The following TRABD2B variants were observed in gnomAD, a reference collection of about 807,000 sequenced individuals.
TRABD2B encodes metalloprotease TIKI2.
A neutral mutation model predicts 40.1 loss-of-function variants in TRABD2B; 14 were observed. The ratio of observed to expected loss-of-function variants is 0.35; its 90% CI spans 0.23 to 0.55. The LOEUF is 0.55. TRABD2B is among the 20% of genes least tolerant of loss of function. The pLI is 0.90. For missense variants in TRABD2B, 541 were observed against 648.6 expected (o/e 0.83, Z 1.80); for synonymous variants, 263 against 277.0 (o/e 0.95, Z 0.50).
intron 1 of TRABD2B, among the ~76,000 whole-genome samples, chr1:47,995,745 C>G (rs556987179): frequency 1.2e-4 from 18 of 152,188 alleles, no homozygotes; most frequent in Non-Finnish European, 2.6e-4. Context: ...TGTGGGAGAA[C>G]AGTACCTTAC....
chr1:47,994,051 C>G lies in TRABD2B; in HGVS notation c.649G>C (p.Gly217Arg). ...ATGCCTACCTGGGAGAAGTTGAGCC[C>G]GTTGTTGAGGGGATGGCACTGCTCC... The part of the protein sequence containing the change: ...VEEQCHPLNN[G>R]LNFSQVLFAL... The change falls in exon 2 of 7, where the codon GGG (glycine) becomes CGG (arginine). Residue 217 changes from glycine (G) to arginine (R), a missense_variant. By Grantham distance (125) the Gly-to-Arg change is moderately radical. Around this residue, in one of 2 missense-constraint regions of TRABD2B, gnomAD observed 369 missense variants for 492.8 expected, o/e 0.75. Transcript: ENST00000606738. This position sits in a 1 kb window ranked among gnomAD's most constrained non-coding sequence, Gnocchi z 6.7. The G allele has an allele frequency of 6.5e-7, 1 of 1,535,178 alleles. No homozygotes were observed. Among genetic ancestry groups the G allele is most frequent in the South Asian group, 1.2e-5 (1 of 84,020 alleles).
rs534507987 is a variant in TRABD2B, at chr1:47,862,948, T to C, written c.667-61329A>G. ...GACTCACATAAATGTAGTCAACTAA[T>C]CTTTGACACAGGCACTATGGCTGCC... On this transcript the variant is annotated intron_variant, in intron 2 of 6. Transcript: ENST00000606738. 1.1e-3 allele frequency among the ~76,000 whole-genome samples: 163 copies of C among 152,270 alleles called. 1 individual carries two copies. Among genetic ancestry groups the C allele is most frequent in the African/African-American group, 3.8e-3 (157 of 41,556 alleles).
intron 2 of TRABD2B, among the ~76,000 whole-genome samples, chr1:47,920,377 C>T (rs371423281): frequency 5.9e-5 from 9 of 152,332 alleles, no homozygotes; most frequent in African/African-American, 1.4e-4. Flanking sequence ...ATGGCCTCTC[C>T]TGTCCTCAAA....
At chr1:47,839,102 C>T (rs1052540561) in intron 2 of TRABD2B, among the ~76,000 whole-genome samples, 2 of 152,164 alleles carry the variant, frequency 1.3e-5, no homozygotes, top group African/African-American at 4.8e-5. Flanking sequence ...ACGCTGCCTT[C>T]AAGACATTGT....
At chr1:47,902,969 A>AT (rs1274928881) in intron 2 of TRABD2B, among the ~76,000 whole-genome samples, 2 of 152,084 alleles carry the variant, frequency 1.3e-5, no homozygotes, top group African/African-American at 2.4e-5. Flanking sequence ...AACATGCCAG[A>AT]TTTTTTCATG....
chr1:47,986,847 A>T (rs1026197966), intron 2 of TRABD2B, among the ~76,000 whole-genome samples: 1 of 152,230 alleles, frequency 6.6e-6, no homozygotes, highest in Non-Finnish European at 1.5e-5. Flanking sequence ...CTGCTCGGCG[A>T]GACGGCTTGG....
At chr1:47,966,558 G>A (rs1020255707) in intron 2 of TRABD2B, among the ~76,000 whole-genome samples, 2 of 152,110 alleles carry the variant, frequency 1.3e-5, no homozygotes, top group Admixed American at 6.5e-5. Context: ...CAGTAGATGT[G>A]CAGATTTATA....
chr1:47,910,034 A>AT (rs905371076), intron 2 of TRABD2B, among the ~76,000 whole-genome samples: 27 of 150,678 alleles, frequency 1.8e-4, no homozygotes, highest in Non-Finnish European at 3.4e-4. Flanking sequence ...TGATTTTTGT[A>AT]TTTTTTGTAG....
At chr1:47,868,742 A>G (rs956802154) in intron 2 of TRABD2B, among the ~76,000 whole-genome samples, 1 of 152,104 alleles carries the variant, frequency 6.6e-6, no homozygotes, top group Admixed American at 6.5e-5. Context: ...TGGTGCCAAA[A>G]AGGTTGGGAA....
At position 47,858,810 on chromosome 1, in the gene TRABD2B, G is replaced by C. The variant is rs115191574; in HGVS notation, c.667-57191C>G. On this transcript the variant is annotated intron_variant, in intron 2 of 6. Transcript: ENST00000606738. ...ACAAGAAGAGGCCTTTGCCCTGCTA[G>C]AGTGGCTAAGCCTGCAGATGCCTCT... Among the ~76,000 whole-genome samples, 355 of 152,334 alleles carry C rather than the reference G, an allele frequency of 2.3e-3. 2 individuals are homozygous for C. Among genetic ancestry groups the C allele is most frequent in the African/African-American group, 8.3e-3 (346 of 41,584 alleles).
At chr1:47,766,710 C>T (rs4927045) in intron 6 of TRABD2B, among the ~76,000 whole-genome samples, 5 of 151,892 alleles carry the variant, frequency 3.3e-5, no homozygotes, top group Admixed American at 1.3e-4. Context: ...TGGTGGCTGG[C>T]GGGGAGGCTA....
intron 2 of TRABD2B, among the ~76,000 whole-genome samples, chr1:47,914,933 C>T (rs1247109286): frequency 6.6e-6 from 1 of 152,184 alleles, no homozygotes; most frequent in African/African-American, 2.4e-5. Flanking sequence ...TGGGTATAGA[C>T]CTGGTTAGAT....
At chr1:47,805,704 G>C (rs1000370141) in intron 2 of TRABD2B, among the ~76,000 whole-genome samples, 3 of 152,008 alleles carry the variant, frequency 2.0e-5, no homozygotes, top group Admixed American at 2.0e-4. Context: ...TTCATTACCA[G>C]GATTACGATG....
At chr1:47,822,149 T>TGCACAC (rs1645119354) in intron 2 of TRABD2B, among the ~76,000 whole-genome samples, 2 of 151,172 alleles carry the variant, frequency 1.3e-5, no homozygotes, top group Non-Finnish European at 3.0e-5. Flanking sequence ...TGTGTACACG[T>TGCACAC]ACACACACAC....
At chr1:47,874,561 C>T (rs1173166519) in intron 2 of TRABD2B, among the ~76,000 whole-genome samples, 11 of 128,666 alleles carry the variant, frequency 8.5e-5, no homozygotes, top group African/African-American at 2.6e-4. Context: ...CGTGAGCCAC[C>T]GCGCCCGGCC....
At chr1:47,828,117 G>A (rs533334995) in intron 2 of TRABD2B, among the ~76,000 whole-genome samples, 2 of 152,272 alleles carry the variant, frequency 1.3e-5, no homozygotes, top group East Asian at 3.9e-4. Context: ...ACAAACGGGA[G>A]CATAAGGGCT....
In TRABD2B at chr1:47,934,022, G is replaced by C. The variant is rs1645073814; in HGVS notation, c.666+60012C>G. On this transcript the variant is annotated intron_variant, in intron 2 of 6. Coordinates refer to ENST00000606738, the MANE Select transcript of TRABD2B (RefSeq NM_001194986.2). ...TTGTTTTATTGGACAGCACAAGTTG[G>C]AGGGTAGAAAGAAGGGGTTGGGGAA... 2.0e-5 allele frequency among the ~76,000 whole-genome samples: 3 copies of C among 152,238 alleles called. No homozygotes were observed. In the South Asian group the frequency reaches 6.2e-4, roughly 32 times the overall value.
chr1:47,859,620 C>G (rs1282665767), intron 2 of TRABD2B, among the ~76,000 whole-genome samples: 1 of 152,196 alleles, frequency 6.6e-6, no homozygotes, highest in African/African-American at 2.4e-5. Flanking sequence ...GGCATGTGGC[C>G]AGAGCATGCC....
At chr1:47,891,139 T>C (rs181884615) in intron 2 of TRABD2B, among the ~76,000 whole-genome samples, 3 of 152,350 alleles carry the variant, frequency 2.0e-5, no homozygotes, top group East Asian at 1.9e-4. Context: ...GTAAACTGTT[T>C]AGAATAGTGC....
Sources: allele counts gnomAD v4.1 joint callset (sites outside exome capture counted in the v4.1 genomes callset), GRCh38; gene constraint gnomAD v4.1.1; regional missense constraint gnomAD v4.1.1; non-coding constraint Gnocchi (gnomAD v3.1); transcripts MANE v1.5; gene names NCBI Gene and HGNC (gene_info 2026-07-23, HGNC 2026-07-21).